Variants in LRRC9 observed in about 807,000 individuals in gnomAD.
The protein encoded by LRRC9 is leucine-rich repeat-containing protein 9.
A neutral mutation model predicts 63.2 loss-of-function variants in LRRC9; 122 were observed. The ratio of observed to expected loss-of-function variants is 1.93; its 90% CI spans 1.67 to 2.24. The LOEUF (loss-of-function observed/expected upper bound fraction) is 2.24, where lower values mean the gene tolerates loss of function less well. Among genes scored for constraint, LRRC9 ranks in the 30% most tolerant of loss-of-function variants. The pLI is 0.00. For synonymous variants in LRRC9, 366 were observed against 213.1 expected, an observed-to-expected ratio of 1.72 and a Z score of -6.25; for missense variants, 1,071 against 627.7, an observed-to-expected ratio of 1.71 and a Z score of -7.55.
intron 12 of LRRC9, chr14:59,973,347 C>T (rs978387382): frequency 6.6e-6 from 1 of 151,988 alleles, no homozygotes; most frequent in African/African-American, 2.4e-5. Context: ...CCTTACAATG[C>T]CCTGCACGTG....
At chr14:60,054,736 G>A (rs114786003) in intron 30 of LRRC9, among the ~76,000 whole-genome samples, 7,480 of 151,670 alleles carry the variant, frequency 0.049, 576 homozygotes, top group African/African-American at 0.16. Flanking sequence ...ATTTTTTTAA[G>A]ATGAATATCA....
intron 15 of LRRC9, among the ~76,000 whole-genome samples, chr14:59,980,223 A>T (rs1029227717): frequency 6.6e-6 from 1 of 152,152 alleles, no homozygotes; most frequent in Non-Finnish European, 1.5e-5. Flanking sequence ...CAATTTTTTT[A>T]AATGAATAAA....
intron 1 of LRRC9, 57 bp downstream of exon 1, chr14:59,920,330 C>T (rs1888665085): frequency 6.6e-6 from 1 of 152,228 alleles, no homozygotes; most frequent in Admixed American, 6.6e-5. Context: ...TCTTTGATCC[C>T]CTCTTTTTCC....
intron 23 of LRRC9, among the ~76,000 whole-genome samples, chr14:60,011,592 A>G (rs1440255385): frequency 2.0e-5 from 3 of 152,194 alleles, no homozygotes; most frequent in African/African-American, 7.2e-5. Context: ...CTATTTGATT[A>G]TATGTGTTTC....
intron 19 of LRRC9, among the ~76,000 whole-genome samples, chr14:60,001,188 T>TTGTG (rs146007143): frequency 0.045 from 6,657 of 149,176 alleles, 434 homozygotes; most frequent in African/African-American, 0.15. Flanking sequence ...TGATGTATAT[T>TTGTG]TGTGTGTGTG....
At position 60,014,008 on chromosome 14, in the gene LRRC9, C is replaced by A. The variant is rs539757385; in HGVS notation, c.3187-2652C>A. ...CTTCTGTTTTCTTTTTTGTGCCTTC[C>A]TGTGAGCTTCCTGAACACATTTTGA... On this transcript the variant is annotated intron_variant, in intron 23 of 31. Transcript: ENST00000445360. 5.9e-5 allele frequency among the ~76,000 whole-genome samples: 9 copies of A among 152,026 alleles called. No homozygotes were observed. In the East Asian group the frequency reaches 1.7e-3, roughly 29 times the overall value.
chr14:60,044,046 T>A (rs1282770590), intron 29 of LRRC9, among the ~76,000 whole-genome samples: 1 of 151,902 alleles, frequency 6.6e-6, no homozygotes, highest in Non-Finnish European at 1.5e-5. Context: ...GTTGTATGCA[T>A]TCGAGAAGAC....
At chr14:60,041,965 A>T (rs1172184942) in intron 29 of LRRC9, among the ~76,000 whole-genome samples, 3 of 152,158 alleles carry the variant, frequency 2.0e-5, no homozygotes, top group African/African-American at 7.2e-5. Flanking sequence ...TTTTCTTTCT[A>T]ACGGTCAGGA....
At position 59,938,264 on chromosome 14, in the gene LRRC9, A is replaced by C. The variant is rs1191319356; in HGVS notation, c.544-126A>C. The C allele has an allele frequency of 2.2e-6, 1 of 462,942 alleles. No homozygotes were observed. Among genetic ancestry groups the C allele is most frequent in the African/African-American group, 2.0e-5 (1 of 49,254 alleles). The allele number at this position is 462,942 out of a possible 1,614,324, so 28.7% of individuals were successfully genotyped here. On this transcript the variant is annotated intron_variant, in intron 6 of 31. Transcript: ENST00000445360. The surrounding 1 kb of genome is among the most constrained non-coding windows in gnomAD (Gnocchi z 4.2). ...AGAGAGAAACATTTTAGGCATCTAAATCACTTTAATGTATTTAAGCGCATA... is the reference window on the plus strand; with the variant it reads ...AGAGAGAAACATTTTAGGCATCTAACTCACTTTAATGTATTTAAGCGCATA...
chr14:60,031,930 A>G lies in LRRC9; in HGVS notation c.3922-65A>G, dbSNP rs1892021878. ...TAACACTTACATATAATTACTTCAAATTAGTCTATATTTTAAGATGTTGAG... is the reference window on the plus strand; with the variant it reads ...TAACACTTACATATAATTACTTCAAGTTAGTCTATATTTTAAGATGTTGAG... On this transcript the variant is annotated intron_variant, in intron 28 of 31. Coordinates refer to ENST00000445360, the Ensembl canonical transcript of LRRC9. The surrounding 1 kb of genome is among the most constrained non-coding windows in gnomAD (Gnocchi z 4.6). 1.2e-5 allele frequency: 8 copies of G among 676,198 alleles called. No homozygotes were observed. Among genetic ancestry groups the G allele is most frequent in the Non-Finnish European group, 1.6e-5 (6 of 374,910 alleles). 41.9% of individuals were successfully genotyped at this position (676,198 alleles called of 1,614,324 possible).
At chr14:59,975,066 ATGTGTG>A (rs1203786294) in intron 13 of LRRC9, among the ~76,000 whole-genome samples, 528 of 14,108 alleles carry the variant, frequency 0.037, 93 homozygotes, top group African/African-American at 0.049. Flanking sequence ...GAACTAAACT[ATGTGTG>A]TGTGTGTGTG....
rs1183232695 is a variant in LRRC9 at position 60,027,989 on chromosome 14, A to C, written c.3809A>C (p.Lys1270Thr). Residue 1270 changes from lysine (K) to threonine (T), a missense_variant, in exon 28 of 32, where the codon AAA (lysine) becomes ACA (threonine). Physicochemically the swap from Lys to Thr is moderately conservative, Grantham distance 78. Transcript: ENST00000445360. This position sits in a 1 kb window ranked among gnomAD's most constrained non-coding sequence, Gnocchi z 4.0. Reference sequence around the variant, plus strand: ...TCATTTAATGACAGTGCTTTTGCCAAACCAAGTTCTTTATTGGCACTTCAC... The same window carrying C: ...TCATTTAATGACAGTGCTTTTGCCACACCAAGTTCTTTATTGGCACTTCAC... 1.4e-5 allele frequency: 10 copies of C among 701,798 alleles called. No individual in the cohort carries two copies. The highest frequency in any genetic ancestry group is 1.1e-4 in the East Asian group (4 of 37,264). The allele number at this position is 701,798 out of a possible 1,614,324, so 43.5% of individuals were successfully genotyped here. A position where few individuals can be genotyped will look rare whatever the true frequency, so the allele number is the denominator to read the frequency against.
intron 23 of LRRC9, among the ~76,000 whole-genome samples, chr14:60,013,709 T>C (rs1192998924): frequency 6.6e-6 from 1 of 152,188 alleles, no homozygotes; most frequent in African/African-American, 2.4e-5. Context: ...TTACTTTATC[T>C]GAGATTAATG....
intron 4 of LRRC9, 145 bp from the exon 5 acceptor site, chr14:59,931,474 G>C (rs886189297): frequency 2.1e-6 from 1 of 486,676 alleles, no homozygotes; most frequent in African/African-American, 2.0e-5. Flanking sequence ...TGGCTTCTTG[G>C]AGGCACTCAT....
chr14:60,014,565 TGTC>T (rs1032225628), intron 23 of LRRC9, among the ~76,000 whole-genome samples: 1 of 152,152 alleles, frequency 6.6e-6, no homozygotes, highest in Non-Finnish European at 1.5e-5. Context: ...CACTTGAAAA[TGTC>T]GTGCCACATT....
chr14:60,033,136 T>C (rs536185887), intron 29 of LRRC9, among the ~76,000 whole-genome samples: 1 of 152,194 alleles, frequency 6.6e-6, no homozygotes, highest in Non-Finnish European at 1.5e-5. Context: ...AATTGTTTGT[T>C]GCTGGAGTGT....
intron 12 of LRRC9, among the ~76,000 whole-genome samples, chr14:59,968,438 T>C (rs1476641007): frequency 6.6e-6 from 1 of 152,220 alleles, no homozygotes; most frequent in East Asian, 1.9e-4. Flanking sequence ...TTCTATCTTA[T>C]GTATATTTTG....
Position 59,938,675 on chromosome 14 carries a change from C to A in LRRC9, c.726+103C>A, listed in dbSNP as rs1459479398. On this transcript the variant is annotated intron_variant, in intron 7 of 31. Coordinates refer to ENST00000445360, the Ensembl canonical transcript of LRRC9. The surrounding 1 kb of genome is among the most constrained non-coding windows in gnomAD (Gnocchi z 4.2). ...GGTAGGTAGGATTATCAGTTCAGTTCTTGTTGCCAAGTCTGCTTTTGCCCT... is the reference window on the plus strand; with the variant it reads ...GGTAGGTAGGATTATCAGTTCAGTTATTGTTGCCAAGTCTGCTTTTGCCCT... The A allele has an allele frequency of 2.6e-5, 13 of 493,764 alleles. No individual in the cohort carries two copies. In the East Asian group the frequency reaches 4.3e-4, roughly 16 times the overall value. The allele number at this position is 493,764 out of a possible 1,614,324, so 30.6% of individuals were successfully genotyped here.
In LRRC9 at chr14:60,003,510, T is replaced by C. The variant is rs570303833; in HGVS notation, c.2665-111T>C. 29 of 547,474 alleles carry C rather than the reference T, an allele frequency of 5.3e-5. No individual in the cohort carries two copies. The highest frequency in any genetic ancestry group is 1.7e-4 in the Admixed American group (5 of 28,798). The allele number at this position is 547,474 out of a possible 1,614,324, so 33.9% of individuals were successfully genotyped here. A position where few individuals can be genotyped will look rare whatever the true frequency, so the allele number is the denominator to read the frequency against. On this transcript the variant is annotated intron_variant, in intron 20 of 31. Transcript: ENST00000445360. This position sits in a 1 kb window ranked among gnomAD's most constrained non-coding sequence, Gnocchi z 4.2. ...ATCTTTAGCTCCTGAAGGAATTCTT[T>C]TGATATCTATTTATCACATTTGAAT...
Sources: gnomAD v4.1 joint callset for allele counts (sites outside exome capture counted in the v4.1 genomes callset) on GRCh38, gnomAD v4.1.1 for gene constraint, Gnocchi (gnomAD v3.1) non-coding constraint, MANE v1.5 for transcripts, NCBI Gene and HGNC (gene_info 2026-07-23, HGNC 2026-07-21) for gene names.